Variants in ERBB4 observed in about 807,000 individuals in gnomAD.
ERBB4 encodes receptor tyrosine-protein kinase erbB-4.
A neutral mutation model predicts 158.0 loss-of-function variants in ERBB4; 42 were observed. That is an observed-to-expected ratio of 0.27 (90% CI 0.21 to 0.34). The LOEUF is 0.34. Among genes scored for constraint, ERBB4 ranks in the 10% least tolerant of loss-of-function variants. The pLI, the probability that ERBB4 is intolerant of heterozygous loss-of-function variation, is 1.00. For synonymous variants in ERBB4, 583 were observed against 558.7 expected, an observed-to-expected ratio of 1.04 and a Z score of -0.61; for missense variants, 1,333 against 1,624.1, an observed-to-expected ratio of 0.82 and a Z score of 3.08.
At chr2:212,252,176 T>G (rs1036499006) in intron 1 of ERBB4, among the ~76,000 whole-genome samples, 47 of 152,132 alleles carry the variant, frequency 3.1e-4, no homozygotes, top group African/African-American at 1.1e-3. Context: ...ACATATAAAT[T>G]TGAGGGGTCA....
At chr2:211,508,853 C>T (rs1427975465) in intron 20 of ERBB4, among the ~76,000 whole-genome samples, 1 of 152,016 alleles carries the variant, frequency 6.6e-6, no homozygotes, top group Non-Finnish European at 1.5e-5. Context: ...TGGAGTGAAC[C>T]CAGGAGGCGG....
chr2:212,231,203 CAT>C (rs945898548), intron 1 of ERBB4, among the ~76,000 whole-genome samples: 1 of 151,756 alleles, frequency 6.6e-6, no homozygotes, highest in Admixed American at 6.6e-5. Flanking sequence ...TCATTACAGA[CAT>C]GTTTTGAAGG....
At chr2:212,209,119 A>G (rs1256623084) in intron 1 of ERBB4, among the ~76,000 whole-genome samples, 4 of 152,142 alleles carry the variant, frequency 2.6e-5, no homozygotes, top group Non-Finnish European at 1.5e-5. Context: ...TAATTTCTTC[A>G]CATGCAGACT....
At chr2:211,900,612 C>A (rs2079210585) in intron 3 of ERBB4, among the ~76,000 whole-genome samples, 1 of 152,048 alleles carries the variant, frequency 6.6e-6, no homozygotes, top group Non-Finnish European at 1.5e-5. Flanking sequence ...AAAGAGTTTG[C>A]TGACTTTTTT....
intron 1 of ERBB4, among the ~76,000 whole-genome samples, chr2:212,177,646 C>A (rs1430791210): frequency 1.3e-5 from 2 of 151,944 alleles, no homozygotes; most frequent in East Asian, 3.9e-4. Flanking sequence ...ATAGACTTCA[C>A]AATACACCAG....
intron 20 of ERBB4, among the ~76,000 whole-genome samples, chr2:211,556,038 G>C (rs528137236): frequency 1.3e-5 from 2 of 152,102 alleles, no homozygotes; most frequent in Admixed American, 6.6e-5. Flanking sequence ...GCTGGATAAC[G>C]AGACCCAACT....
Position 211,872,123 on chromosome 2 carries a change from G to A in ERBB4, c.421+75307C>T, listed in dbSNP as rs191844734. Among the ~76,000 whole-genome samples, 4 of 152,190 alleles carry A rather than the reference G, an allele frequency of 2.6e-5. No homozygotes were observed. In the East Asian group the frequency reaches 5.8e-4, roughly 22 times the overall value. ...TTCTAGACCAAAAATATCATTCCGT[G>A]CTTGCTAAATAACATTTGCTCAAAT... On this transcript the variant is annotated intron_variant, in intron 3 of 27. Transcript: ENST00000342788.
chr2:212,192,692 T>A (rs1020792365), intron 1 of ERBB4, among the ~76,000 whole-genome samples: 1 of 152,066 alleles, frequency 6.6e-6, no homozygotes, highest in South Asian at 2.1e-4. Flanking sequence ...ACTCAGGAGG[T>A]CTCACAGGAG....
intron 25 of ERBB4, among the ~76,000 whole-genome samples, chr2:211,388,358 T>C (rs1574390407): frequency 6.6e-6 from 1 of 152,184 alleles, no homozygotes; most frequent in Non-Finnish European, 1.5e-5. Context: ...CTTCTTTACA[T>C]GTCAAAAGAT....
At chr2:212,117,639 A>C (rs939478934) in intron 2 of ERBB4, among the ~76,000 whole-genome samples, 9 of 152,184 alleles carry the variant, frequency 5.9e-5, no homozygotes, top group Admixed American at 3.9e-4. Context: ...TCAGATCAAA[A>C]TGTGTGCATA....
chr2:212,497,951 A>G (rs757827430), intron 1 of ERBB4, among the ~76,000 whole-genome samples: 3 of 152,212 alleles, frequency 2.0e-5, no homozygotes, highest in Admixed American at 2.0e-4. Context: ...CTAAATTTGT[A>G]ACAATAAATT....
chr2:212,538,012 G>C (rs1052134682), intron 1 of ERBB4, among the ~76,000 whole-genome samples: 6 of 152,116 alleles, frequency 3.9e-5, no homozygotes, highest in African/African-American at 7.2e-5. Context: ...ACCGCCCTTC[G>C]GGCTCGGCTC....
At chr2:211,936,425 T>G (rs929851012) in intron 3 of ERBB4, among the ~76,000 whole-genome samples, 2 of 152,080 alleles carry the variant, frequency 1.3e-5, no homozygotes, top group African/African-American at 2.4e-5. Flanking sequence ...TGGATCACCA[T>G]TTTTCACTTT....
chr2:211,632,598 G>A (rs937013251), intron 16 of ERBB4, among the ~76,000 whole-genome samples: 18 of 150,440 alleles, frequency 1.2e-4, no homozygotes, highest in South Asian at 2.1e-4. Flanking sequence ...AAAAGAAAAC[G>A]CTCTATTTTG....
intron 19 of ERBB4, among the ~76,000 whole-genome samples, chr2:211,566,615 T>G (rs1162033364): frequency 6.6e-6 from 1 of 152,200 alleles, no homozygotes; most frequent in African/African-American, 2.4e-5. Context: ...TTATTACCTA[T>G]TATTTAATCT....
intron 1 of ERBB4, among the ~76,000 whole-genome samples, chr2:212,431,618 T>C (rs926900162): frequency 1.3e-5 from 2 of 152,314 alleles, no homozygotes; most frequent in South Asian, 2.1e-4. Flanking sequence ...GCTTCTCCTA[T>C]GTCTGAGAAT....
chr2:211,564,236 T>C (rs1193222341), intron 19 of ERBB4, among the ~76,000 whole-genome samples: 3 of 152,128 alleles, frequency 2.0e-5, no homozygotes, highest in African/African-American at 7.2e-5. Context: ...AACCCAATAA[T>C]GTATAACACC....
intron 2 of ERBB4, among the ~76,000 whole-genome samples, chr2:212,044,584 A>G (rs541752663): frequency 5.8e-4 from 88 of 152,258 alleles, no homozygotes; most frequent in South Asian, 5.6e-3. Context: ...TTTAACATCT[A>G]CTAGCTTTTA....
chr2:211,949,819 C>T lies in ERBB4; in HGVS notation c.235-2203G>A, dbSNP rs142821349. Among the ~76,000 whole-genome samples, 15 of 152,270 alleles carry T rather than the reference C, an allele frequency of 9.9e-5. No homozygotes were observed. In the East Asian group the frequency reaches 1.5e-3, roughly 16 times the overall value. ...TGATAAACCTGTTGAACACTGTAGCCCCTACACTTTTACCTGCTTCAATTC... is the reference window on the plus strand; with the variant it reads ...TGATAAACCTGTTGAACACTGTAGCTCCTACACTTTTACCTGCTTCAATTC... On this transcript the variant is annotated intron_variant, in intron 2 of 27. Transcript: ENST00000342788.
Sources: gnomAD v4.1 joint callset for allele counts (sites outside exome capture counted in the v4.1 genomes callset) on GRCh38, gnomAD v4.1.1 for gene constraint, MANE v1.5 for transcripts, NCBI Gene and HGNC (gene_info 2026-07-23, HGNC 2026-07-21) for gene names.